Variants in RALGAPB observed in about 807,000 individuals in gnomAD.
RALGAPB encodes Ral GTPase activating protein non-catalytic subunit beta.
In RALGAPB, 25 loss-of-function variants were observed where a neutral mutation model predicts 161.1. That is an observed-to-expected ratio of 0.16 (90% CI 0.11 to 0.22). The LOEUF (loss-of-function observed/expected upper bound fraction) is 0.22. Among genes scored for constraint, RALGAPB ranks in the 10% least tolerant of loss-of-function variants. The probability of loss-of-function intolerance (pLI) is 1.00; values close to 1 mark genes in which losing one functional copy is unlikely to be tolerated. For missense variants in RALGAPB, 1,391 were observed against 1,815.2 expected, an observed-to-expected ratio of 0.77 and a Z score of 4.25; for synonymous variants, 629 against 626.1, an observed-to-expected ratio of 1.00 and a Z score of -0.07.
At chr20:38,552,423 G>A (rs1479985153) in intron 21 of RALGAPB, among the ~76,000 whole-genome samples, 2 of 152,142 alleles carry the variant, frequency 1.3e-5, no homozygotes, top group Admixed American at 1.3e-4. Flanking sequence ...AGAATTACAG[G>A]TGTAAGCCAT....
chr20:38,569,568 G>C (rs2088150087), intron 26 of RALGAPB: 1 of 228,094 alleles, frequency 4.4e-6, no homozygotes, highest in South Asian at 8.6e-5. Context: ...GGCCCTAACA[G>C]AGATAGACTC....
chr20:38,481,312 T>G (rs2084962056), intron 1 of RALGAPB, among the ~76,000 whole-genome samples: 1 of 152,228 alleles, frequency 6.6e-6, no homozygotes, highest in Admixed American at 6.5e-5. Context: ...TTAGTCTGTT[T>G]TCATGCTGCT....
In RALGAPB at chr20:38,565,492, TG is replaced by T; in HGVS notation, c.3817+15del. 1 of 1,612,124 alleles carries T rather than the reference TG, an allele frequency of 6.2e-7. No homozygotes were observed. Among genetic ancestry groups the T allele is most frequent in the Non-Finnish European group, 8.5e-7 (1 of 1,178,884 alleles). ...TGGAGTCCTTAAGTAAGATGATTTT[TG>T]CATGGTCCTGTTTTAGGATCTATTT... On this transcript the variant is annotated intron_variant, in intron 25 of 29. Coordinates refer to ENST00000262879, the MANE Select transcript of RALGAPB (RefSeq NM_020336.4).
intron 24 of RALGAPB, among the ~76,000 whole-genome samples, chr20:38,563,979 G>A (rs904457750): frequency 2.0e-5 from 3 of 152,088 alleles, no homozygotes; most frequent in Non-Finnish European, 2.9e-5. Flanking sequence ...CCTACTCCCC[G>A]AATCCGGAAC....
chr20:38,556,010 A>G (rs2087574419), intron 22 of RALGAPB, among the ~76,000 whole-genome samples: 1 of 152,168 alleles, frequency 6.6e-6, no homozygotes, highest in African/African-American at 2.4e-5. Flanking sequence ...TTAAGAAAAT[A>G]ATTTGGTCCC....
In RALGAPB at chr20:38,526,016, A is replaced by G; in HGVS notation, c.2024A>G (p.Asp675Gly). 1 of 1,613,790 alleles carries G rather than the reference A, an allele frequency of 6.2e-7. No homozygotes were observed. Among genetic ancestry groups the G allele is most frequent in the African/African-American group, 1.3e-5 (1 of 75,000 alleles). Residue 675 changes from aspartate (D) to glycine (G), a missense_variant, in exon 13 of 30, where the codon GAC (aspartate) becomes GGC (glycine). Asp to Gly is a moderately conservative substitution (Grantham distance 94). Coordinates refer to ENST00000262879, the MANE Select transcript of RALGAPB (RefSeq NM_020336.4). Reference sequence around the variant, plus strand: ...ATAGGTGCCTTGCAAACTGAAACGGACCCCAACAACACCCAAATGATATTA... The same window carrying G: ...ATAGGTGCCTTGCAAACTGAAACGGGCCCCAACAACACCCAAATGATATTA... ...ILIGALQTET[D>G]PNNTQMILGA...
chr20:38,535,831 C>T (rs144424535), intron 16 of RALGAPB, among the ~76,000 whole-genome samples: 136 of 152,262 alleles, frequency 8.9e-4, no homozygotes, highest in African/African-American at 3.1e-3. Context: ...GTGATCCACC[C>T]GCCTTGGCCT....
At chr20:38,519,012 C>T (rs992554384) in intron 9 of RALGAPB, among the ~76,000 whole-genome samples, 7 of 152,088 alleles carry the variant, frequency 4.6e-5, no homozygotes, top group Non-Finnish European at 8.8e-5. Flanking sequence ...GAACTAGGAT[C>T]TATGTCTGTG....
chr20:38,478,777 C>T (rs558586811), intron 1 of RALGAPB, among the ~76,000 whole-genome samples: 1 of 152,218 alleles, frequency 6.6e-6, no homozygotes, highest in South Asian at 2.1e-4. Context: ...CCACCACGCC[C>T]AGCTAATTTT....
At position 38,509,165 on chromosome 20, in the gene RALGAPB, G is replaced by A. The variant is rs2085858990; in HGVS notation, c.829G>A (p.Glu277Lys). The A allele has an allele frequency of 6.2e-7, 1 of 1,613,790 alleles. No homozygotes were observed. The highest frequency in any genetic ancestry group is 1.3e-5 in the African/African-American group (1 of 74,932). Residue 277 changes from glutamate (E) to lysine (K), a missense_variant, in exon 6 of 30, where the codon GAG becomes AAG. Physicochemically the swap from Glu to Lys is moderately conservative, Grantham distance 56. Around this residue, in one of 3 missense-constraint regions of RALGAPB, gnomAD observed 946 missense variants for 1,257.2 expected, o/e 0.75. Transcript: ENST00000262879. ...ASLIPPEMDN[E>K]CVAQTWFRFL... The stretch of plus-strand genomic sequence containing the variant: ...TCTGATCCCTCCAGAAATGGATAAT[G>A]AGTGTGTTGCACAGACATGGTTTCG...
At chr20:38,488,803 G>A (rs1224279729) in intron 2 of RALGAPB, among the ~76,000 whole-genome samples, 185 bp downstream of exon 2, 1 of 152,122 alleles carries the variant, frequency 6.6e-6, no homozygotes, top group Admixed American at 6.5e-5. Context: ...TTGAGTTGAG[G>A]GCTGGGACTC....
At chr20:38,550,570 G>C (rs144376486) in intron 20 of RALGAPB, among the ~76,000 whole-genome samples, 1 of 152,174 alleles carries the variant, frequency 6.6e-6, no homozygotes, top group East Asian at 1.9e-4. Flanking sequence ...GGTTCACCAT[G>C]TACCCATATA....
chr20:38,563,835 C>T (rs1392276177), intron 24 of RALGAPB, among the ~76,000 whole-genome samples: 1 of 152,110 alleles, frequency 6.6e-6, no homozygotes, highest in Non-Finnish European at 1.5e-5. Context: ...TACAATTTTC[C>T]TTTAGCTTTG....
At chr20:38,538,886 A>G (rs919597959) in intron 16 of RALGAPB, among the ~76,000 whole-genome samples, 1 of 152,198 alleles carries the variant, frequency 6.6e-6, no homozygotes, top group African/African-American at 2.4e-5. Context: ...TGACCCAATA[A>G]TTCCACTCCT....
intron 23 of RALGAPB, 75 bp from the exon 24 acceptor site, chr20:38,562,457 C>G: frequency 7.7e-7 from 1 of 1,307,136 alleles, no homozygotes. Context: ...CAAAACTAAC[C>G]AATTTTTATG....
intron 5 of RALGAPB, among the ~76,000 whole-genome samples, chr20:38,501,108 G>T (rs2085581296): frequency 6.6e-6 from 1 of 152,174 alleles, no homozygotes. Context: ...ATTGACGAAG[G>T]TGGCCTCACT....
At chr20:38,529,235 G>A (rs1449353331) in intron 13 of RALGAPB, among the ~76,000 whole-genome samples, 5 of 152,118 alleles carry the variant, frequency 3.3e-5, no homozygotes, top group African/African-American at 1.2e-4. Context: ...TTACAATAAA[G>A]TATGCTGGAG....
intron 28 of RALGAPB, among the ~76,000 whole-genome samples, chr20:38,571,552 C>T (rs1012752059): frequency 6.6e-5 from 10 of 152,212 alleles, no homozygotes; most frequent in African/African-American, 2.4e-4. Flanking sequence ...CATTTTAAGA[C>T]TGAATAATAT....
chr20:38,499,961 A>AT (rs2070417738), intron 5 of RALGAPB: 1 of 161,326 alleles, frequency 6.2e-6, no homozygotes, highest in South Asian at 2.0e-4. Flanking sequence ...ATAGAAAGAT[A>AT]TAATAGAAAA....
Sources: allele counts gnomAD v4.1 joint callset (sites outside exome capture counted in the v4.1 genomes callset), GRCh38; gene constraint gnomAD v4.1.1; regional missense constraint gnomAD v4.1.1; transcripts MANE v1.5; gene names NCBI Gene and HGNC (gene_info 2026-07-23, HGNC 2026-07-21).